Variants in SH3GL2 observed in about 807,000 individuals in gnomAD.
SH3GL2 encodes the protein SH3 domain containing GRB2 like 2, endophilin A1.
Under a neutral mutation model 46.0 loss-of-function variants are expected in SH3GL2, and 24 were observed. The ratio of observed to expected loss-of-function variants is 0.52; its 90% confidence interval spans 0.38 to 0.73. The LOEUF (loss-of-function observed/expected upper bound fraction) is 0.73, where lower values mean the gene tolerates loss of function less well. Among genes scored for constraint, SH3GL2 ranks in the 30% least tolerant of loss-of-function variants. The pLI, the probability that SH3GL2 is intolerant of heterozygous loss-of-function variation, is 0.00. For synonymous variants in SH3GL2, 196 were observed against 147.1 expected (o/e 1.33, Z -2.40); for missense variants, 413 against 424.2 (o/e 0.97, Z 0.23).
At chr9:17,708,765 C>A (rs1821541390) in intron 1 of SH3GL2, among the ~76,000 whole-genome samples, 1 of 151,838 alleles carries the variant, frequency 6.6e-6, no homozygotes, top group South Asian at 2.1e-4. Context: ...GTTTGCATGG[C>A]CCCATTTAAG....
At chr9:17,653,306 G>T (rs1819997886) in intron 1 of SH3GL2, among the ~76,000 whole-genome samples, 1 of 151,822 alleles carries the variant, frequency 6.6e-6, no homozygotes, top group Non-Finnish European at 1.5e-5. Flanking sequence ...CTCAGTTCTG[G>T]GAAATATTTG....
intron 1 of SH3GL2, among the ~76,000 whole-genome samples, chr9:17,654,566 G>A (rs1023158724): frequency 6.6e-6 from 1 of 152,100 alleles, no homozygotes; most frequent in Non-Finnish European, 1.5e-5. Context: ...TTAGGGCTTG[G>A]AATGAATAGA....
chr9:17,579,287 G>C lies in SH3GL2; in HGVS notation c.45G>C (p.Gln15His). 1.3e-6 allele frequency: 2 copies of C among 1,561,572 alleles called. No individual in the cohort carries two copies. Among genetic ancestry groups the C allele is most frequent in the Non-Finnish European group, 1.7e-6 (2 of 1,154,774 alleles). Residue 15 changes from glutamine to histidine, a missense_variant and splice_region_variant, in exon 1 of 9, where the codon CAG (glutamine) becomes CAC (histidine). Gln to His is a conservative substitution (Grantham distance 24, BLOSUM62 0). Transcript: ENST00000380607. ...AGAAGCAGTTCCATAAAGCCACTCA[G>C]GTAAGGCGCGCGGCAGGTGCGTCCC... is the stretch of plus-strand genomic sequence containing the variant. The part of the protein sequence containing the change: ...GLKKQFHKAT[Q>H]KVSEKVGGAE...
chr9:17,719,391 A>G (rs1012300786), intron 1 of SH3GL2, among the ~76,000 whole-genome samples: 2 of 152,192 alleles, frequency 1.3e-5, no homozygotes, highest in Non-Finnish European at 1.5e-5. Context: ...ATGATCTGCC[A>G]AATTCAGAGC....
chr9:17,768,909 G>T (rs1823394953), intron 3 of SH3GL2, among the ~76,000 whole-genome samples: 1 of 152,172 alleles, frequency 6.6e-6, no homozygotes. Context: ...ACTTATGTGG[G>T]TTACAAAGTC....
intron 1 of SH3GL2, among the ~76,000 whole-genome samples, chr9:17,708,394 C>G (rs937647554): frequency 2.2e-4 from 33 of 151,922 alleles, no homozygotes; most frequent in African/African-American, 7.7e-4. Flanking sequence ...TCAGATGTTT[C>G]TAGAGAAACT....
intron 2 of SH3GL2, among the ~76,000 whole-genome samples, chr9:17,756,393 G>A (rs1822989306): frequency 6.6e-6 from 1 of 151,638 alleles, no homozygotes; most frequent in Non-Finnish European, 1.5e-5. Context: ...TGTTACATAT[G>A]TATACATGTG....
intron 1 of SH3GL2, among the ~76,000 whole-genome samples, chr9:17,624,635 G>A (rs544563150): frequency 6.6e-6 from 1 of 152,140 alleles, no homozygotes; most frequent in Non-Finnish European, 1.5e-5. Context: ...GCTAGTGGGG[G>A]CCCCTTCAAG....
intron 1 of SH3GL2, among the ~76,000 whole-genome samples, chr9:17,639,010 C>T (rs929563585): frequency 3.3e-5 from 5 of 152,106 alleles, no homozygotes; most frequent in African/African-American, 7.2e-5. Flanking sequence ...GATTAAGAAA[C>T]GATTTTTGGC....
chr9:17,733,445 G>C (rs1395217442), intron 1 of SH3GL2, among the ~76,000 whole-genome samples: 1 of 151,774 alleles, frequency 6.6e-6, no homozygotes, highest in African/African-American at 2.4e-5. Context: ...AGTTAGAATG[G>C]CAATCATTAA....
chr9:17,651,588 T>C (rs1284870529), intron 1 of SH3GL2, among the ~76,000 whole-genome samples: 1 of 152,190 alleles, frequency 6.6e-6, no homozygotes, highest in Non-Finnish European at 1.5e-5. Context: ...CATTACCTTA[T>C]TAGCTGTATA....
At chr9:17,607,360 T>G (rs184286232) in intron 1 of SH3GL2, among the ~76,000 whole-genome samples, 37 of 152,330 alleles carry the variant, frequency 2.4e-4, no homozygotes, top group African/African-American at 8.2e-4. Flanking sequence ...AAAGATACAG[T>G]AAAAATATGG....
intron 1 of SH3GL2, among the ~76,000 whole-genome samples, chr9:17,655,908 G>A (rs755138479): frequency 6.6e-6 from 1 of 152,158 alleles, no homozygotes; most frequent in Admixed American, 6.5e-5. Context: ...ACAGGGATCT[G>A]CACTTCATGA....
chr9:17,644,043 CTTCCTGG>C (rs1274404620), intron 1 of SH3GL2, among the ~76,000 whole-genome samples: 1 of 152,186 alleles, frequency 6.6e-6, no homozygotes, highest in East Asian at 1.9e-4. Context: ...GATTTGACTT[CTTCCTGG>C]TTTAGTCTTG....
chr9:17,718,804 T>A (rs1229780704), intron 1 of SH3GL2, among the ~76,000 whole-genome samples: 1 of 152,120 alleles, frequency 6.6e-6, no homozygotes, highest in Non-Finnish European at 1.5e-5. Context: ...GGGGCTGCAT[T>A]GTACTTTTAA....
At chr9:17,722,448 A>G (rs928981522) in intron 1 of SH3GL2, among the ~76,000 whole-genome samples, 3 of 152,090 alleles carry the variant, frequency 2.0e-5, no homozygotes, top group African/African-American at 7.2e-5. Flanking sequence ...TAGTCACTGC[A>G]TGTTTGCACT....
chr9:17,603,239 C>A (rs759679362), intron 1 of SH3GL2, among the ~76,000 whole-genome samples: 38 of 152,150 alleles, frequency 2.5e-4, no homozygotes, highest in Non-Finnish European at 5.0e-4. Context: ...ATGTTCCTTG[C>A]AGCATTATTG....
intron 1 of SH3GL2, among the ~76,000 whole-genome samples, chr9:17,657,100 C>T (rs927850960): frequency 6.6e-6 from 1 of 152,088 alleles, no homozygotes; most frequent in East Asian, 1.9e-4. Context: ...AGTCACTCAC[C>T]TGATAGAGAA....
chr9:17,739,466 C>G (rs1822459872), intron 1 of SH3GL2, among the ~76,000 whole-genome samples: 1 of 152,030 alleles, frequency 6.6e-6, no homozygotes, highest in Non-Finnish European at 1.5e-5. Flanking sequence ...TGGCTTATTG[C>G]AGTGGACTAT....
Sources: gnomAD v4.1 joint callset for allele counts (sites outside exome capture counted in the v4.1 genomes callset) on GRCh38, gnomAD v4.1.1 for gene constraint, MANE v1.5 for transcripts, NCBI Gene and HGNC (gene_info 2026-07-23, HGNC 2026-07-21) for gene names.